GTF3C3: variants seen among roughly 807,000 people sequenced by gnomAD.
The protein encoded by GTF3C3 is general transcription factor 3C polypeptide 3.
GTF3C3 carries 75 observed loss-of-function variants against 105.2 expected under a neutral mutation model. That is an observed-to-expected ratio of 0.71 (90% CI 0.59 to 0.86). The LOEUF is 0.86. GTF3C3 is among the 40% of genes least tolerant of loss of function. The probability of loss-of-function intolerance (pLI) is 0.00; values close to 1 mark genes in which losing one functional copy is unlikely to be tolerated. For missense variants in GTF3C3, 856 were observed against 1,076.5 expected, an observed-to-expected ratio of 0.80 and a Z score of 2.87; for synonymous variants, 335 against 370.4, an observed-to-expected ratio of 0.90 and a Z score of 1.10.
At chr2:196,796,586 T>C (rs906370585) in intron 2 of GTF3C3, among the ~76,000 whole-genome samples, 44 of 152,186 alleles carry the variant, frequency 2.9e-4, no homozygotes, top group Admixed American at 1.5e-3. Flanking sequence ...CCATGGTGGT[T>C]TGCTGCACAG....
chr2:196,778,733 G>C (rs954909348), intron 10 of GTF3C3, 163 bp downstream of exon 10: 33 of 634,708 alleles, frequency 5.2e-5, no homozygotes, highest in Non-Finnish European at 7.5e-5. Flanking sequence ...TAGTGATGGG[G>C]AAATCACTTA....
chr2:196,781,921 TAAGG>T (rs1410013423), intron 8 of GTF3C3, among the ~76,000 whole-genome samples: 1 of 152,192 alleles, frequency 6.6e-6, no homozygotes, highest in East Asian at 1.9e-4. Context: ...CCTGTCTGAG[TAAGG>T]ACTAAACACA....
At position 196,764,580 on chromosome 2, in the gene GTF3C3, T is replaced by G; in HGVS notation, c.2644A>C (p.Thr882Pro). The stretch of plus-strand genomic sequence containing the variant: ...GCGGTGCTTTATATAGAACAATAGG[T>G]ATACAAAAGCGTTTGAGCCATTCCG... ...NTGMAQTLLY[T>P]YCSI The change falls in exon 18 of 18, where the codon ACC becomes CCC. Residue 882 changes from threonine to proline, a missense_variant. By Grantham distance (38) the Thr-to-Pro change is conservative (BLOSUM62 -1). Transcript: ENST00000263956. The G allele has an allele frequency of 6.2e-7, 1 of 1,613,962 alleles. No individual in the cohort carries two copies. Among genetic ancestry groups the G allele is most frequent in the Non-Finnish European group, 8.5e-7 (1 of 1,179,868 alleles).
intron 8 of GTF3C3, chr2:196,780,980 T>C (rs1699340498): frequency 5.5e-6 from 1 of 180,204 alleles, no homozygotes; most frequent in Non-Finnish European, 1.1e-5. Flanking sequence ...TTGAAAAGTC[T>C]CTTTTTAGTG....
chr2:196,778,818 A>T (rs1158942752), intron 10 of GTF3C3, 78 bp downstream of exon 10: 1 of 1,288,180 alleles, frequency 7.8e-7, no homozygotes, highest in South Asian at 1.2e-5. Context: ...GCACTATAAT[A>T]ATTATTACCA....
At chr2:196,767,493 T>G (rs931653814) in intron 16 of GTF3C3, among the ~76,000 whole-genome samples, 2 of 152,166 alleles carry the variant, frequency 1.3e-5, no homozygotes, top group African/African-American at 4.8e-5. Flanking sequence ...GAATATAAAA[T>G]GTAATTATTC....
intron 13 of GTF3C3, 49 bp from the exon 14 acceptor site, chr2:196,773,202 T>G (rs368745964): frequency 9.9e-6 from 10 of 1,013,152 alleles, no homozygotes; most frequent in Non-Finnish European, 1.3e-5. Context: ...TTTCCAGAAA[T>G]AGCAGTATTA....
At chr2:196,781,384 AT>A in intron 8 of GTF3C3, among the ~76,000 whole-genome samples, 1 of 129,070 alleles carries the variant, frequency 7.7e-6, no homozygotes, top group Admixed American at 8.0e-5. Context: ...ATATATATAT[AT>A]ATAAAATTAA....
At chr2:196,773,369 C>G (rs1699209864) in intron 13 of GTF3C3, among the ~76,000 whole-genome samples, 1 of 152,204 alleles carries the variant, frequency 6.6e-6, no homozygotes, top group Non-Finnish European at 1.5e-5. Flanking sequence ...TCTGCATTCC[C>G]AGGCACCTGA....
In GTF3C3 at chr2:196,780,580, G is replaced by A. The variant is rs190526971; in HGVS notation, c.1197C>T (p.Leu399=). 2.9e-5 allele frequency: 47 copies of A among 1,613,426 alleles called. No individual in the cohort carries two copies. In the East Asian group the frequency reaches 1.0e-3, roughly 34 times the overall value. The part of the protein sequence containing the change: ...TVKLMVCLVH[L]NILEPLNPLL... ...ATACATTAAGTGGTTCAAGAATGTT[G>A]AGATGTACAAGGCAGACCATCAACT... The change falls in exon 9 of 18, where the codon CTC becomes CTT. Residue 399 remains leucine, a synonymous_variant. Transcript: ENST00000263956.
intron 13 of GTF3C3, among the ~76,000 whole-genome samples, chr2:196,774,486 T>A (rs569680131): frequency 6.6e-6 from 1 of 152,250 alleles, no homozygotes; most frequent in Non-Finnish European, 1.5e-5. Flanking sequence ...GGTACACCAG[T>A]GTAATGTGAT....
chr2:196,796,469 A>C (rs2125753028), intron 2 of GTF3C3, among the ~76,000 whole-genome samples: 1 of 152,336 alleles, frequency 6.6e-6, no homozygotes, highest in Non-Finnish European at 1.5e-5. Flanking sequence ...AAGGAAGGAC[A>C]CACAAATTGT....
At position 196,787,290 on chromosome 2, in the gene GTF3C3, A is replaced by G. The variant is rs78468050; in HGVS notation, c.894-1702T>C. ...CTTCTGCCCTTCCACTGTTCAATCTATTCTCAAAAGAGCAGCCAGAATTGA... is the reference window on the plus strand; with the variant it reads ...CTTCTGCCCTTCCACTGTTCAATCTGTTCTCAAAAGAGCAGCCAGAATTGA... On this transcript the variant is annotated intron_variant, in intron 6 of 17. Transcript: ENST00000263956. 6.0e-3 allele frequency among the ~76,000 whole-genome samples: 913 copies of G among 152,202 alleles called. 4 individuals are homozygous for G. The highest frequency in any genetic ancestry group is 0.021 in the African/African-American group (862 of 41,532).
In GTF3C3 at chr2:196,799,663, G is replaced by A. The variant is rs868026300; in HGVS notation, c.-52C>T. 5 of 1,334,318 alleles carry A rather than the reference G, an allele frequency of 3.7e-6. No individual in the cohort carries two copies. Among genetic ancestry groups the A allele is most frequent in the Non-Finnish European group, 5.4e-6 (5 of 928,254 alleles). The allele number at this position is 1,334,318 out of a possible 1,614,324, so 82.7% of individuals were successfully genotyped here. A position where few individuals can be genotyped will look rare whatever the true frequency, so the allele number is the denominator to read the frequency against. On this transcript the variant is annotated 5_prime_UTR_variant, in exon 1 of 18. Coordinates refer to ENST00000263956, the MANE Select transcript of GTF3C3 (RefSeq NM_012086.5). ...CAGGAACCGGGACAGAGAACCGGAA[G>A]AGCAGCGCCTTCCAGAAGCTACCTC...
In GTF3C3 at chr2:196,764,701, T is replaced by C; in HGVS notation, c.2539-16A>G. On this transcript the variant is annotated splice_polypyrimidine_tract_variant and intron_variant, in intron 17 of 17. Transcript: ENST00000263956. ...GTTCTATACCCTAGGGAGAAAAAGATACCTTTATGTTTAATATTTCCAACT... is the reference window on the plus strand; with the variant it reads ...GTTCTATACCCTAGGGAGAAAAAGACACCTTTATGTTTAATATTTCCAACT... 1 of 1,598,406 alleles carries C rather than the reference T, an allele frequency of 6.3e-7. No homozygotes were observed. The highest frequency in any genetic ancestry group is 8.5e-7 in the Non-Finnish European group (1 of 1,170,414).
At chr2:196,775,888 A>C in intron 12 of GTF3C3, 122 bp downstream of exon 12, 1 of 508,392 alleles carries the variant, frequency 2.0e-6, no homozygotes. Context: ...TTTATCTTTC[A>C]TTTTTAAAAG....
chr2:196,781,356 AAATATAT>A (rs1414313258), intron 8 of GTF3C3, among the ~76,000 whole-genome samples: 9 of 54,490 alleles, frequency 1.7e-4, no homozygotes, highest in Admixed American at 1.1e-3. Flanking sequence ...AAAAAAAAAA[AAATATAT>A]ATATATATAT....
Position 196,786,281 on chromosome 2 carries a change from G to A in GTF3C3, c.894-693C>T, listed in dbSNP as rs1027421800. 1.3e-5 allele frequency among the ~76,000 whole-genome samples: 2 copies of A among 152,144 alleles called. No individual in the cohort carries two copies. Among genetic ancestry groups the A allele is most frequent in the African/African-American group, 4.8e-5 (2 of 41,444 alleles). On this transcript the variant is annotated intron_variant, in intron 6 of 17. Transcript: ENST00000263956. The surrounding 1 kb of genome is among the most constrained non-coding windows in gnomAD (Gnocchi z 4.2). ...GGCAGGCCTGAGATCCTGCATTTCT[G>A]ACAAGCTTCCAGGTGATACAAATAC...
intron 8 of GTF3C3, among the ~76,000 whole-genome samples, chr2:196,781,354 AAAAATATATATATAT>A (rs1482394433): frequency 1.9e-4 from 16 of 84,048 alleles, no homozygotes; most frequent in Non-Finnish European, 3.5e-4. Flanking sequence ...AAAAAAAAAA[AAAAATATATATATAT>A]ATATATATAT....
Sources: allele counts gnomAD v4.1 joint callset (sites outside exome capture counted in the v4.1 genomes callset), GRCh38; gene constraint gnomAD v4.1.1; non-coding constraint Gnocchi (gnomAD v3.1); transcripts MANE v1.5; gene names NCBI Gene and HGNC (gene_info 2026-07-23, HGNC 2026-07-21).